Variants in AGBL5 observed in about 807,000 individuals in gnomAD.
AGBL5 encodes cytosolic carboxypeptidase-like protein 5.
In AGBL5, 51 loss-of-function variants were observed where a neutral mutation model predicts 88.0. The ratio of observed to expected loss-of-function variants is 0.58; its 90% CI spans 0.46 to 0.73. The LOEUF (loss-of-function observed/expected upper bound fraction) is 0.73. Among genes scored for constraint, AGBL5 ranks in the 30% least tolerant of loss-of-function variants. AGBL5 has a pLI of 0.00. For synonymous variants in AGBL5, 446 were observed against 438.8 expected (o/e 1.02, Z -0.21); for missense variants, 1,031 against 1,162.2 (o/e 0.89, Z 1.64).
Position 27,059,178 on chromosome 2 carries a change from G to C in AGBL5, c.1875-12G>C, listed in dbSNP as rs764900193. The C allele has an allele frequency of 5.0e-6, 8 of 1,610,460 alleles. No homozygotes were observed. The highest frequency in any genetic ancestry group is 5.9e-6 in the Non-Finnish European group (7 of 1,177,932). On this transcript the variant is annotated splice_polypyrimidine_tract_variant and intron_variant, in intron 10 of 14. Coordinates refer to ENST00000360131, the MANE Select transcript of AGBL5 (RefSeq NM_021831.6). ...TCCTGGCCCGGGTTAACTGGCATCT[G>C]CTTCTTTGCAGTGGGTTGCCTGTCT...
At chr2:27,051,186 G>C (rs1668099248), upstream of AGBL5, among the ~76,000 whole-genome samples, 1 of 152,218 alleles carries the variant, frequency 6.6e-6, no homozygotes, top group African/African-American at 2.4e-5. Flanking sequence ...GAACCTGTAA[G>C]GCAAAGGGAA....
chr2:27,058,133 G>A (rs1195604315), intron 9 of AGBL5, among the ~76,000 whole-genome samples: 1 of 151,940 alleles, frequency 6.6e-6, no homozygotes, highest in Non-Finnish European at 1.5e-5. Context: ...CCCCTTTCCT[G>A]CTAGGAGAAT....
rs1443722934 is a variant in AGBL5, at chr2:27,057,398, C to G, written c.1631C>G (p.Pro544Arg). 1 of 1,613,908 alleles carries G rather than the reference C, an allele frequency of 6.2e-7. No homozygotes were observed. The highest frequency in any genetic ancestry group is 1.7e-5 in the Admixed American group (1 of 59,974). The part of the protein sequence containing the change: ...DNGRASPPPP[P>R]AFPSRYTVEL... ...GGGCGTGCCAGCCCCCCTCCCCCGC[C>G]GGCTTTCCCCTCCAGATACACTGTG... Residue 544 changes from proline to arginine, a missense_variant, in exon 9 of 15, where the codon CCG becomes CGG. Pro to Arg is a moderately radical substitution (Grantham distance 103, BLOSUM62 -2). Coordinates refer to ENST00000360131, the MANE Select transcript of AGBL5 (RefSeq NM_021831.6).
At chr2:27,050,763 GCA>G (rs1668043390), upstream of AGBL5, among the ~76,000 whole-genome samples, 2 of 152,032 alleles carry the variant, frequency 1.3e-5, no homozygotes, top group Admixed American at 6.5e-5. Context: ...GCTATCAGCA[GCA>G]TCTTATCGCA....
upstream of AGBL5, among the ~76,000 whole-genome samples, chr2:27,051,206 C>T (rs189664092): frequency 3.9e-5 from 6 of 152,290 alleles, no homozygotes; most frequent in South Asian, 4.1e-4. Context: ...AAGAACTAAG[C>T]AGCAGGCGGG....
At chr2:27,050,995 T>C (rs966609995), upstream of AGBL5, 11 of 152,270 alleles carry the variant, frequency 7.2e-5, no homozygotes, top group African/African-American at 2.7e-4. Context: ...GTATGTAGTA[T>C]ACGGTAACGC....
chr2:27,068,983 A>C lies in AGBL5; in HGVS notation c.2355+239A>C, dbSNP rs1009988602. 4 of 1,466,902 alleles carry C rather than the reference A, an allele frequency of 2.7e-6. No homozygotes were observed. The East Asian group carries it at 8.8e-5, about 32-fold the overall frequency. 90.9% of individuals were successfully genotyped at this position (1,466,902 alleles called of 1,614,324 possible). ...CTGTGTCCCTGCCAGATATACCCCA[A>C]CCTTAGCCTGCTAGCTTTGGCTTTC... is the stretch of plus-strand genomic sequence containing the variant. On this transcript the variant is annotated intron_variant, in intron 13 of 14. Transcript: ENST00000360131.
At chr2:27,058,320 C>T (rs1668540084) in intron 9 of AGBL5, 80 bp from the exon 10 acceptor site, 7 of 1,516,610 alleles carry the variant, frequency 4.6e-6, no homozygotes, top group Non-Finnish European at 5.5e-6. Flanking sequence ...CCTTCCCTTC[C>T]ACTGTGCTGT....
chr2:27,051,498 T>A (rs953343465), upstream of AGBL5: 1 of 152,286 alleles, frequency 6.6e-6, no homozygotes, highest in African/African-American at 2.4e-5. Flanking sequence ...CGGAAGACGC[T>A]GCTAGAACCC....
intron 13 of AGBL5, chr2:27,069,182 A>AG (rs1308291836): frequency 7.4e-7 from 1 of 1,346,272 alleles, no homozygotes; most frequent in Non-Finnish European, 9.7e-7. Context: ...AGCTGAGTAT[A>AG]GGCAGAGGCT....
At chr2:27,061,265 C>G (rs924674980) in intron 11 of AGBL5, 1 of 137,834 alleles carries the variant, frequency 7.3e-6, no homozygotes, top group African/African-American at 2.8e-5. Flanking sequence ...GAGACCGAGT[C>G]TTGCTCTGTT....
chr2:27,060,770 C>CT (rs1230154780), intron 11 of AGBL5, among the ~76,000 whole-genome samples: 2 of 152,192 alleles, frequency 1.3e-5, no homozygotes, highest in African/African-American at 4.8e-5. Flanking sequence ...GTTTGAGAGT[C>CT]TATCTTCATC....
At chr2:27,065,937 T>C (rs950771094) in intron 11 of AGBL5, among the ~76,000 whole-genome samples, 5 of 152,138 alleles carry the variant, frequency 3.3e-5, no homozygotes, top group African/African-American at 4.8e-5. Context: ...GCTTTGAATG[T>C]GTAGTGTTCA....
rs1489858862 is a variant in AGBL5, at chr2:27,052,900, T to C, written c.-46-13T>C. 2 of 1,449,612 alleles carry C rather than the reference T, an allele frequency of 1.4e-6. No homozygotes were observed. Among genetic ancestry groups the C allele is most frequent in the African/African-American group, 2.8e-5 (2 of 70,178 alleles). The allele number at this position is 1,449,612 out of a possible 1,614,324, so 89.8% of individuals were successfully genotyped here. On this transcript the variant is annotated splice_polypyrimidine_tract_variant and intron_variant, in intron 1 of 14. Transcript: ENST00000360131. The stretch of plus-strand genomic sequence containing the variant: ...TCCCTTTCCTCCTTAACCTAACCCT[T>C]GTTTTCCCCCAGCTCTCAGGGCCAG...
At position 27,052,908 on chromosome 2, in the gene AGBL5, C is replaced by T. The variant is rs373850491; in HGVS notation, c.-46-5C>T. 2.0e-5 allele frequency: 29 copies of T among 1,484,588 alleles called. No homozygotes were observed. The Middle Eastern group carries it at 1.6e-3, about 80-fold the overall frequency. 92.0% of individuals were successfully genotyped at this position (1,484,588 alleles called of 1,614,324 possible). A position where few individuals can be genotyped will look rare whatever the true frequency, so the allele number is the denominator to read the frequency against. ...CTCCTTAACCTAACCCTTGTTTTCC[C>T]CCAGCTCTCAGGGCCAGAGCGGGGC... On this transcript the variant is annotated splice_polypyrimidine_tract_variant and splice_region_variant and intron_variant, in intron 1 of 14. Coordinates refer to ENST00000360131, the MANE Select transcript of AGBL5 (RefSeq NM_021831.6).
intron 13 of AGBL5, 190 bp downstream of exon 13, chr2:27,068,934 C>T (rs1486975186): frequency 6.7e-7 from 1 of 1,497,036 alleles, no homozygotes; most frequent in Non-Finnish European, 8.9e-7. Flanking sequence ...TCCCCATCAG[C>T]CAGGTCATTT....
At position 27,065,484 on chromosome 2, in the gene AGBL5, G is replaced by A. The variant is rs1668940685; in HGVS notation, c.2090-2010G>A. On this transcript the variant is annotated intron_variant, in intron 11 of 14. Transcript: ENST00000360131. ...CTGCTGTTCAAGTAAACAAAACATT[G>A]ATTAAGGTCTCTGGTTTTTCAGGCA... 2.0e-5 allele frequency among the ~76,000 whole-genome samples: 3 copies of A among 152,262 alleles called. No individual in the cohort carries two copies. The South Asian group carries it at 6.2e-4, about 32-fold the overall frequency.
rs747328031 is a variant in AGBL5, at chr2:27,057,395, C to T, written c.1628C>T (p.Pro543Leu). The change falls in exon 9 of 15, where the codon CCG becomes CTG. Residue 543 changes from proline (P) to leucine (L), a missense_variant. Physicochemically the swap from Pro to Leu is moderately conservative, Grantham distance 98 (BLOSUM62 -3). Transcript: ENST00000360131. ...AATGGGCGTGCCAGCCCCCCTCCCC[C>T]GCCGGCTTTCCCCTCCAGATACACT... is the stretch of plus-strand genomic sequence containing the variant. ...HDNGRASPPP[P>L]PAFPSRYTVE... 26 of 1,613,948 alleles carry T rather than the reference C, an allele frequency of 1.6e-5. No individual in the cohort carries two copies. Among genetic ancestry groups the T allele is most frequent in the Non-Finnish European group, 2.0e-5 (24 of 1,179,914 alleles).
At position 27,064,704 on chromosome 2, in the gene AGBL5, AT is replaced by A. The variant is rs1170328757; in HGVS notation, c.2090-2780del. Among the ~76,000 whole-genome samples, 853 of 87,696 alleles carry A rather than the reference AT, an allele frequency of 9.7e-3. 8 individuals are homozygous for A. Among genetic ancestry groups the A allele is most frequent in the African/African-American group, 0.035 (815 of 23,140 alleles). 57.5% of individuals were successfully genotyped at this position (87,696 alleles called of 152,430 possible). On this transcript the variant is annotated intron_variant, in intron 11 of 14. Transcript: ENST00000360131. ...TTCTTCTTTATTCATACAAGTATCGATTTTTTTTTTCCATTCAATTTTTTTT... is the reference window on the plus strand; with the variant it reads ...TTCTTCTTTATTCATACAAGTATCGATTTTTTTTTCCATTCAATTTTTTTT...
Sources: allele counts gnomAD v4.1 joint callset (sites outside exome capture counted in the v4.1 genomes callset), GRCh38; gene constraint gnomAD v4.1.1; transcripts MANE v1.5; gene names NCBI Gene and HGNC (gene_info 2026-07-23, HGNC 2026-07-21).